NHEJ1: variants seen among roughly 807,000 people sequenced by gnomAD.
NHEJ1 encodes non-homologous end-joining factor 1.
NHEJ1 carries 22 observed loss-of-function variants against 39.4 expected under a neutral mutation model. The ratio of observed to expected loss-of-function variants is 0.56; its 90% CI spans 0.40 to 0.80. The LOEUF (loss-of-function observed/expected upper bound fraction) is 0.80. NHEJ1 is among the 30% of genes least tolerant of loss of function. The pLI is 0.00. For missense variants in NHEJ1, 329 were observed against 357.1 expected (o/e 0.92, Z 0.63); for synonymous variants, 154 against 135.6 (o/e 1.14, Z -0.94).
At chr2:219,095,243 G>A (rs973105156) in intron 5 of NHEJ1, 29 of 468,498 alleles carry the variant, frequency 6.2e-5, no homozygotes, top group Admixed American at 1.2e-4. Flanking sequence ...GAGACAGTAT[G>A]TCAGGGAAGA....
intron 5 of NHEJ1, among the ~76,000 whole-genome samples, chr2:219,101,631 G>A (rs753426014): frequency 1.4e-5 from 2 of 146,460 alleles, no homozygotes; most frequent in Non-Finnish European, 3.0e-5. Flanking sequence ...GGCTGGTCTT[G>A]AACTCCGGGC....
At chr2:219,092,682 C>A (rs147244073) in intron 5 of NHEJ1, among the ~76,000 whole-genome samples, 1 of 152,170 alleles carries the variant, frequency 6.6e-6, no homozygotes, top group African/African-American at 2.4e-5. Context: ...GGTAAAAACC[C>A]CTGCTGTAAA....
At chr2:219,144,654 A>G (rs564643699) in intron 5 of NHEJ1, among the ~76,000 whole-genome samples, 1 of 152,298 alleles carries the variant, frequency 6.6e-6, no homozygotes, top group African/African-American at 2.4e-5. Context: ...CCATATAGCT[A>G]AGGCATAAAG....
chr2:219,156,364 A>C (rs1949855229), intron 3 of NHEJ1, among the ~76,000 whole-genome samples: 1 of 152,240 alleles, frequency 6.6e-6, no homozygotes, highest in African/African-American at 2.4e-5. Flanking sequence ...GAAACTAAAG[A>C]AGAGAGAAAA....
intron 3 of NHEJ1, among the ~76,000 whole-genome samples, chr2:219,154,011 T>G (rs1949824785): frequency 6.6e-6 from 1 of 152,206 alleles, no homozygotes; most frequent in Non-Finnish European, 1.5e-5. Context: ...AATACAAGGA[T>G]AGTAACTGTA....
intron 5 of NHEJ1, among the ~76,000 whole-genome samples, chr2:219,113,807 T>C (rs1197509245): frequency 6.6e-6 from 1 of 152,230 alleles, no homozygotes; most frequent in Middle Eastern, 3.2e-3. Context: ...ATACTTGGAA[T>C]ACCTTTCTAG....
chr2:219,083,767 C>T (rs1030423826), intron 5 of NHEJ1, among the ~76,000 whole-genome samples: 14 of 152,198 alleles, frequency 9.2e-5, no homozygotes, highest in Non-Finnish European at 1.3e-4. Context: ...TGAGACTTCT[C>T]TTGCCTGGCC....
intron 3 of NHEJ1, among the ~76,000 whole-genome samples, chr2:219,150,957 A>G (rs1949789521): frequency 6.6e-6 from 1 of 151,524 alleles, no homozygotes; most frequent in Non-Finnish European, 1.5e-5. Context: ...CTCCATCTCA[A>G]AAAAAAACAG....
At chr2:219,123,304 C>T (rs181441321) in intron 5 of NHEJ1, among the ~76,000 whole-genome samples, 2 of 152,298 alleles carry the variant, frequency 1.3e-5, no homozygotes, top group East Asian at 1.9e-4. Context: ...CAGCCCCATA[C>T]CCTCCCATGA....
At chr2:219,107,543 C>T (rs1271752478) in intron 5 of NHEJ1, among the ~76,000 whole-genome samples, 1 of 152,194 alleles carries the variant, frequency 6.6e-6, no homozygotes, top group Non-Finnish European at 1.5e-5. Flanking sequence ...GGTAAGCAGA[C>T]TGGCATCGTG....
Position 219,076,353 on chromosome 2 carries a change from C to T in NHEJ1, c.*28G>A, listed in dbSNP as rs1380210315. On this transcript the variant is annotated 3_prime_UTR_variant, in exon 8 of 8. Transcript: ENST00000356853. The stretch of plus-strand genomic sequence containing the variant: ...AAGCTTGGAAGCTGTTCTCCAAGTC[C>T]ATCCTCAGCAGCTGAGGCCACAACA... 1.1e-5 allele frequency: 17 copies of T among 1,614,116 alleles called. No homozygotes were observed. Among genetic ancestry groups the T allele is most frequent in the Non-Finnish European group, 1.2e-5 (14 of 1,180,026 alleles).
chr2:219,100,077 A>T (rs1426147061), intron 5 of NHEJ1, among the ~76,000 whole-genome samples: 1 of 152,230 alleles, frequency 6.6e-6, no homozygotes, highest in African/African-American at 2.4e-5. Flanking sequence ...TATGGCAAGA[A>T]GGTGGACATA....
chr2:219,160,658 C>T (rs1171352638), intron 1 of NHEJ1, 62 bp downstream of exon 1: 1 of 152,356 alleles, frequency 6.6e-6, no homozygotes, highest in Non-Finnish European at 1.5e-5. Context: ...GGCCAACCCG[C>T]AGCGTCTGAG....
intron 5 of NHEJ1, among the ~76,000 whole-genome samples, chr2:219,125,260 C>G (rs1388526891): frequency 1.3e-5 from 2 of 152,080 alleles, no homozygotes; most frequent in Non-Finnish European, 2.9e-5. Context: ...ACTAAAGCAA[C>G]CCATATTACG....
Position 219,078,213 on chromosome 2 carries a change from G to C in NHEJ1, c.589-7C>G, listed in dbSNP as rs2106320193. Reference sequence around the variant, plus strand: ...TGCATGCCTCTGGCAGTTTCTGTAAGAGAGAGGAGATACTGTCATTGGTTA... The same window carrying C: ...TGCATGCCTCTGGCAGTTTCTGTAACAGAGAGGAGATACTGTCATTGGTTA... On this transcript the variant is annotated splice_region_variant and splice_polypyrimidine_tract_variant and intron_variant, in intron 5 of 7. Transcript: ENST00000356853. 1.2e-6 allele frequency: 2 copies of C among 1,607,954 alleles called. No individual in the cohort carries two copies. Among genetic ancestry groups the C allele is most frequent in the Non-Finnish European group, 1.7e-6 (2 of 1,174,292 alleles).
At chr2:219,110,258 G>A (rs1949353188) in intron 5 of NHEJ1, among the ~76,000 whole-genome samples, 1 of 152,144 alleles carries the variant, frequency 6.6e-6, no homozygotes, top group Admixed American at 6.5e-5. Flanking sequence ...ACTGCACCCT[G>A]TAATCCCAGC....
chr2:219,147,374 C>T (rs957103294), intron 4 of NHEJ1, among the ~76,000 whole-genome samples: 1 of 152,090 alleles, frequency 6.6e-6, no homozygotes, highest in Non-Finnish European at 1.5e-5. Flanking sequence ...CCCAGCTACT[C>T]GGGAGGCTGA....
At chr2:219,085,478 G>C (rs192287809) in intron 5 of NHEJ1, among the ~76,000 whole-genome samples, 38 of 152,326 alleles carry the variant, frequency 2.5e-4, no homozygotes, top group Non-Finnish European at 7.3e-5. Flanking sequence ...TGAAACTGAA[G>C]ACAGAGCTAA....
intron 5 of NHEJ1, among the ~76,000 whole-genome samples, chr2:219,133,458 T>TC (rs1949597515): frequency 6.6e-6 from 1 of 152,214 alleles, no homozygotes; most frequent in Non-Finnish European, 1.5e-5. Context: ...GGCCCTGAGA[T>TC]AGAGTTAGAA....
Sources: gnomAD v4.1 joint callset for allele counts (sites outside exome capture counted in the v4.1 genomes callset) on GRCh38, gnomAD v4.1.1 for gene constraint, MANE v1.5 for transcripts, NCBI Gene and HGNC (gene_info 2026-07-23, HGNC 2026-07-21) for gene names.